Variants in MALAT1 observed in about 807,000 individuals in gnomAD.
MALAT1 encodes hepcarcin.
rs72004824 is a variant in MALAT1, at chr11:65,501,008, GTTTT to G, written n.2280_2283del. On this transcript the variant is annotated non_coding_transcript_exon_variant, in exon 3 of 4. Coordinates refer to ENST00000619449, the Ensembl canonical transcript of MALAT1. ...GAAATAGTAGATGGCAAGTTTGTGG[GTTTT>G]TTTTTTTTACACGAATTTGAGGAAA... 6.7e-6 allele frequency: 3 copies of G among 448,792 alleles called. No homozygotes were observed. In the East Asian group the frequency reaches 1.8e-4, roughly 28 times the overall value. The allele number at this position is 448,792 out of a possible 1,614,324, so 27.8% of individuals were successfully genotyped here.
At chr11:65,506,252 T>C (rs1304418135) in intron 3 of MALAT1, 3 of 457,184 alleles carry the variant, frequency 6.6e-6, no homozygotes, top group South Asian at 1.6e-5. Flanking sequence ...TCTTGGAGTT[T>C]TGGGGAGGTG....
chr11:65,498,087 C>A (rs768853832), intron 1 of MALAT1: 1 of 518,946 alleles, frequency 1.9e-6, no homozygotes, highest in Admixed American at 1.9e-5. Context: ...CATACCTAAC[C>A]AGGCATAACA....
chr11:65,499,950 A>G (rs1053965368), exon 3 of MALAT1: 7 of 432,374 alleles, frequency 1.6e-5, no homozygotes, highest in Middle Eastern at 6.7e-4. Flanking sequence ...GAAGATAGAA[A>G]AATATAAAGC....
At chr11:65,501,540 C>T (rs772608916) in exon 3 of MALAT1, 4 of 518,668 alleles carry the variant, frequency 7.7e-6, no homozygotes, top group African/African-American at 1.9e-5. Context: ...ATGGTCTTAA[C>T]AGGGAAGAGA....
exon 3 of MALAT1, chr11:65,503,069 AG>A: frequency 2.0e-6 from 1 of 511,008 alleles, no homozygotes; most frequent in South Asian, 1.4e-5. Flanking sequence ...GTTGGGATCA[AG>A]TGGATTGAGG....
exon 3 of MALAT1, chr11:65,501,397 G>A (rs775797055): frequency 9.7e-6 from 5 of 518,052 alleles, no homozygotes; most frequent in South Asian, 5.6e-5. Context: ...CAGTTCTCAC[G>A]TTGAGGTCTG....
At chr11:65,497,860 C>T (rs749764248) in exon 1 of MALAT1, 53 of 518,080 alleles carry the variant, frequency 1.0e-4, no homozygotes, top group African/African-American at 9.2e-4. Flanking sequence ...CTCAGCTCGC[C>T]TGAAGGCAGG....
chr11:65,505,788 A>G (rs770176084), intron 3 of MALAT1: 5 of 515,180 alleles, frequency 9.7e-6, no homozygotes, highest in Admixed American at 3.9e-5. Flanking sequence ...ATACTTATCC[A>G]GTGACTAAAA....
exon 3 of MALAT1, chr11:65,502,345 T>G (rs777829621): frequency 1.6e-5 from 8 of 514,244 alleles, no homozygotes; most frequent in African/African-American, 1.6e-4. Flanking sequence ...AGGAAGTGGC[T>G]TAATGATCCT....
At chr11:65,499,316 A>C (rs770909618) in exon 3 of MALAT1, 17 of 508,776 alleles carry the variant, frequency 3.3e-5, no homozygotes, top group Non-Finnish European at 7.9e-6. Context: ...GTTGAGATGA[A>C]GCTTCTTCAT....
intron 3 of MALAT1, chr11:65,504,244 A>G (rs1393016891): frequency 3.9e-6 from 2 of 513,596 alleles, no homozygotes; most frequent in Admixed American, 2.0e-5. Context: ...TTATCAGCAT[A>G]CTCAAAATTT....
intron 3 of MALAT1, chr11:65,503,971 A>AAT: frequency 1.9e-6 from 1 of 515,976 alleles, no homozygotes; most frequent in Non-Finnish European, 3.9e-6. Context: ...AGGGGTCTAT[A>AAT]AATTGACAGT....
chr11:65,499,422 A>T (rs775371307), exon 3 of MALAT1: 1 of 481,122 alleles, frequency 2.1e-6, no homozygotes, highest in South Asian at 1.5e-5. Flanking sequence ...ATTAAAATGA[A>T]GGTGACTTAA....
intron 3 of MALAT1, chr11:65,505,207 C>A (rs368123182): frequency 6.9e-5 from 36 of 518,248 alleles, no homozygotes; most frequent in South Asian, 4.8e-4. Context: ...CTAAAGGCAC[C>A]GAAGGCTTAA....
chr11:65,497,848 G>T (rs756938148), exon 1 of MALAT1: 7 of 516,088 alleles, frequency 1.4e-5, no homozygotes, highest in Non-Finnish European at 2.3e-5. Flanking sequence ...GCGCCGGGAA[G>T]CCTCAGCTCG....
At chr11:65,502,529 C>A (rs760783854) in exon 3 of MALAT1, 13 of 483,370 alleles carry the variant, frequency 2.7e-5, no homozygotes, top group South Asian at 1.9e-4. Context: ...TTAAACTTAT[C>A]TGTTTGTAAA....
exon 3 of MALAT1, chr11:65,499,149 A>G (rs767033398): frequency 9.7e-6 from 5 of 513,598 alleles, no homozygotes; most frequent in Admixed American, 2.0e-5. Flanking sequence ...GATTAATACA[A>G]CTACTTAAAA....
exon 3 of MALAT1, chr11:65,500,786 A>G (rs749520381): frequency 2.5e-5 from 13 of 518,860 alleles, no homozygotes; most frequent in African/African-American, 5.8e-5. Flanking sequence ...GAGGTCGGCA[A>G]TATGTTGTTT....
exon 3 of MALAT1, chr11:65,499,222 C>G (rs765893010): frequency 2.0e-6 from 1 of 503,798 alleles, no homozygotes; most frequent in Admixed American, 2.1e-5. Flanking sequence ...ATTTTAATAG[C>G]TTAAGATTTT....
Sources: gnomAD v4.1 joint callset for allele counts on GRCh38, gnomAD v4.1.1 for gene constraint, MANE v1.5 for transcripts, NCBI Gene and HGNC (gene_info 2026-07-23, HGNC 2026-07-21) for gene names.